Variants in ADD3 observed in about 807,000 individuals in gnomAD.
ADD3 encodes adducin 3.
ADD3 carries 25 observed loss-of-function variants against 80.2 expected under a neutral mutation model. That is an observed-to-expected ratio of 0.31 (90% CI 0.23 to 0.44). The LOEUF (loss-of-function observed/expected upper bound fraction) is 0.44. Among genes scored for constraint, ADD3 ranks in the 20% least tolerant of loss-of-function variants. The pLI is 1.00. For synonymous variants in ADD3, 284 were observed against 289.6 expected (o/e 0.98, Z 0.20); for missense variants, 829 against 847.5 (o/e 0.98, Z 0.27).
Position 110,117,381 on chromosome 10 carries a change from C to G in ADD3, c.526C>G (p.Pro176Ala), listed in dbSNP as rs1487291216. 6.2e-7 allele frequency: 1 copy of G among 1,606,254 alleles called. No homozygotes were observed. Residue 176 changes from proline (P) to alanine (A), a missense_variant, in exon 5 of 15, where the codon CCC becomes GCC. Pro to Ala is a conservative substitution (Grantham distance 27, BLOSUM62 -1). Transcript: ENST00000356080. ...GGAGCAAGACCACATTATAATAATT[C>G]CCAGAGGCCTATCTTTTTCTGAAGC... ...SKEQDHIIII[P>A]RGLSFSEATA...
At chr10:110,013,409 A>G (rs1233274386) in intron 1 of ADD3, among the ~76,000 whole-genome samples, 1 of 152,174 alleles carries the variant, frequency 6.6e-6, no homozygotes, top group East Asian at 1.9e-4. Flanking sequence ...GGCCAAGGCT[A>G]AGGTTTTAAT....
chr10:110,116,537 A>G (rs1036139005), intron 4 of ADD3, 127 bp downstream of exon 4: 2 of 913,938 alleles, frequency 2.2e-6, no homozygotes, highest in Non-Finnish European at 3.3e-6. Context: ...CTAGATCACA[A>G]CCAAATACTG....
chr10:110,096,955 A>G (rs1848243011), intron 1 of ADD3, among the ~76,000 whole-genome samples: 1 of 152,170 alleles, frequency 6.6e-6, no homozygotes, highest in Non-Finnish European at 1.5e-5. Flanking sequence ...CAAGCAACCC[A>G]GATTGTAAGA....
chr10:109,996,711 G>T (rs1000089165), intron 1 of ADD3, among the ~76,000 whole-genome samples: 1 of 152,152 alleles, frequency 6.6e-6, no homozygotes, highest in Admixed American at 6.5e-5. Flanking sequence ...TTAGTCTGAA[G>T]GTAGAAACTC....
chr10:110,113,032 C>CTCTAAGTA, intron 3 of ADD3, 117 bp downstream of exon 3: 2 of 1,092,178 alleles, frequency 1.8e-6, no homozygotes, highest in Non-Finnish European at 2.7e-6. Flanking sequence ...ACATCTAATA[C>CTCTAAGTA]TTAGAGTAAC....
intron 1 of ADD3, among the ~76,000 whole-genome samples, chr10:110,099,851 C>T (rs963539283): frequency 4.6e-5 from 7 of 152,280 alleles, no homozygotes; most frequent in South Asian, 4.1e-4. Flanking sequence ...TTTAAAAATT[C>T]GTTCTTTGCA....
chr10:110,123,967 T>C, intron 9 of ADD3, 50 bp from the exon 10 acceptor site: 2 of 1,561,132 alleles, frequency 1.3e-6, no homozygotes, highest in Non-Finnish European at 1.7e-6. Context: ...ATCCAAATGC[T>C]GTTATTGATA....
At chr10:110,112,941 A>G in intron 3 of ADD3, 26 bp downstream of exon 3, 1 of 1,605,426 alleles carries the variant, frequency 6.2e-7, no homozygotes, top group Middle Eastern at 1.7e-4. Context: ...AGAGTTTTAA[A>G]CATTATAATT....
chr10:110,117,697 A>G (rs1353006405), intron 5 of ADD3, among the ~76,000 whole-genome samples: 3 of 151,792 alleles, frequency 2.0e-5, no homozygotes, highest in African/African-American at 7.3e-5. Flanking sequence ...TACACTCAGA[A>G]ATTTGTGTAA....
Position 110,117,328 on chromosome 10 carries a change from G to A in ADD3, c.487-14G>A. ...AACCACTTCATAGTAATTCCCTGTT[G>A]TTTTTTTTTCCAGGTAAGAATAAGT... On this transcript the variant is annotated splice_polypyrimidine_tract_variant and intron_variant, in intron 4 of 14. Transcript: ENST00000356080. 7.0e-7 allele frequency: 1 copy of A among 1,421,112 alleles called. No homozygotes were observed. Among genetic ancestry groups the A allele is most frequent in the Non-Finnish European group, 9.8e-7 (1 of 1,018,536 alleles). The allele number at this position is 1,421,112 out of a possible 1,614,324, so 88.0% of individuals were successfully genotyped here. A position where few individuals can be genotyped will look rare whatever the true frequency, so the allele number is the denominator to read the frequency against.
intron 1 of ADD3, among the ~76,000 whole-genome samples, chr10:110,016,891 G>T (rs1175615976): frequency 6.6e-6 from 1 of 152,154 alleles, no homozygotes; most frequent in Non-Finnish European, 1.5e-5. Flanking sequence ...TCTGGAATAG[G>T]CTTGTCAAAG....
chr10:110,102,556 G>A (rs1028981680), intron 2 of ADD3, among the ~76,000 whole-genome samples: 9 of 152,158 alleles, frequency 5.9e-5, no homozygotes, highest in Admixed American at 4.6e-4. Flanking sequence ...ACAGTGAGCC[G>A]TGATCACACT....
At chr10:110,033,238 C>A (rs1855261354) in intron 1 of ADD3, among the ~76,000 whole-genome samples, 2 of 152,118 alleles carry the variant, frequency 1.3e-5, no homozygotes. Flanking sequence ...AACTTCTGAC[C>A]AAGTTAGTGA....
chr10:110,060,222 C>T (rs1288570157), intron 1 of ADD3, among the ~76,000 whole-genome samples: 1 of 152,204 alleles, frequency 6.6e-6, no homozygotes, highest in Non-Finnish European at 1.5e-5. Context: ...CTTGCTTTCC[C>T]TCCTGTTCAT....
At chr10:110,038,569 G>A (rs1855931381) in intron 1 of ADD3, among the ~76,000 whole-genome samples, 1 of 152,122 alleles carries the variant, frequency 6.6e-6, no homozygotes, top group African/African-American at 2.4e-5. Flanking sequence ...AGATATAAAA[G>A]CCTGTCTACT....
At chr10:110,067,751 A>G (rs1844151931) in intron 1 of ADD3, among the ~76,000 whole-genome samples, 1 of 152,160 alleles carries the variant, frequency 6.6e-6, no homozygotes, top group Non-Finnish European at 1.5e-5. Context: ...TCAATAAGTA[A>G]TGTTCTGGGT....
intron 1 of ADD3, among the ~76,000 whole-genome samples, chr10:110,099,389 T>C (rs1207488931): frequency 6.6e-6 from 1 of 152,192 alleles, no homozygotes; most frequent in Non-Finnish European, 1.5e-5. Flanking sequence ...AATTAACATT[T>C]CCTACCCCTT....
chr10:110,108,429 C>T (rs1849627188), intron 2 of ADD3, among the ~76,000 whole-genome samples: 1 of 152,038 alleles, frequency 6.6e-6, no homozygotes, highest in African/African-American at 2.4e-5. Context: ...ATCTTTATTC[C>T]ATTTACTTAT....
intron 1 of ADD3, among the ~76,000 whole-genome samples, chr10:110,058,739 G>C (rs937010864): frequency 7.9e-5 from 12 of 152,282 alleles, no homozygotes; most frequent in Non-Finnish European, 1.6e-4. Flanking sequence ...AGCCTTTTAT[G>C]TATGTTGAAC....
Sources: gnomAD v4.1 joint callset for allele counts (sites outside exome capture counted in the v4.1 genomes callset) on GRCh38, gnomAD v4.1.1 for gene constraint, MANE v1.5 for transcripts, NCBI Gene and HGNC (gene_info 2026-07-23, HGNC 2026-07-21) for gene names.